Variants in RBFOX1 observed in about 807,000 individuals in gnomAD.
RBFOX1 encodes RNA binding protein fox-1 homolog 1.
Under a neutral mutation model 57.7 loss-of-function variants are expected in RBFOX1, and 8 were observed. The observed-to-expected ratio is 0.14, with a 90% CI of 0.08 to 0.25. The LOEUF (loss-of-function observed/expected upper bound fraction) is 0.25. RBFOX1 is among the 10% of genes least tolerant of loss of function. The pLI is 1.00. For synonymous variants in RBFOX1, 326 were observed against 222.4 expected (o/e 1.47, Z -4.15); for missense variants, 611 against 548.5 (o/e 1.11, Z -1.14).
chr16:7,448,670 C>G (rs2098827065), intron 4 of RBFOX1, among the ~76,000 whole-genome samples: 1 of 152,176 alleles, frequency 6.6e-6, no homozygotes, highest in African/African-American at 2.4e-5. Context: ...TTCTTTGTTT[C>G]TCTCCTGGCT....
intron 4 of RBFOX1, among the ~76,000 whole-genome samples, chr16:7,227,287 C>CCCA (rs1408028716): frequency 2.0e-5 from 2 of 98,426 alleles, no homozygotes; most frequent in Admixed American, 1.1e-4. Context: ...CACACCCCAC[C>CCCA]CCACCCCCAC....
intron 2 of RBFOX1, among the ~76,000 whole-genome samples, chr16:6,611,815 C>G (rs542317959): frequency 6.6e-6 from 1 of 152,248 alleles, no homozygotes; most frequent in South Asian, 2.1e-4. Flanking sequence ...AGTCCTCCCT[C>G]AGGGCCCTCC....
At chr16:7,630,792 G>A (rs2060824488) in intron 11 of RBFOX1, 109 bp downstream of exon 11, 1 of 1,515,686 alleles carries the variant, frequency 6.6e-7, no homozygotes. Flanking sequence ...CCTCTCTTGT[G>A]GCTCTCTCTG....
At chr16:5,906,295 G>C (rs149440918) in intron 4 of RBFOX1, among the ~76,000 whole-genome samples, 1 of 152,154 alleles carries the variant, frequency 6.6e-6, no homozygotes, top group Non-Finnish European at 1.5e-5. Flanking sequence ...TGGTTTCTTT[G>C]TAAAAAGGGG....
At chr16:6,636,689 T>C (rs2098436412) in intron 2 of RBFOX1, among the ~76,000 whole-genome samples, 1 of 148,330 alleles carries the variant, frequency 6.7e-6, no homozygotes, top group Non-Finnish European at 1.5e-5. Flanking sequence ...AACATTTATA[T>C]TCTATTTGAT....
chr16:6,294,534 G>A (rs180676998), intron 1 of RBFOX1, among the ~76,000 whole-genome samples: 2 of 152,320 alleles, frequency 1.3e-5, no homozygotes, highest in Non-Finnish European at 2.9e-5. Flanking sequence ...CTGTGAAACA[G>A]GTAACACTAA....
At chr16:6,597,129 G>A (rs2097783975) in intron 2 of RBFOX1, among the ~76,000 whole-genome samples, 1 of 152,158 alleles carries the variant, frequency 6.6e-6, no homozygotes, top group Non-Finnish European at 1.5e-5. Flanking sequence ...TACAAAAGGA[G>A]TTGACATCTA....
chr16:5,586,971 C>A (rs189889579), intron 2 of RBFOX1, among the ~76,000 whole-genome samples: 14 of 152,280 alleles, frequency 9.2e-5, no homozygotes, highest in Non-Finnish European at 8.8e-5. Flanking sequence ...ATTGAACCTT[C>A]CTGTGCTGCC....
intron 14 of RBFOX1, among the ~76,000 whole-genome samples, chr16:7,686,452 A>G (rs2076086827): frequency 6.6e-6 from 1 of 152,074 alleles, no homozygotes; most frequent in Non-Finnish European, 1.5e-5. Flanking sequence ...AGAAATGCCC[A>G]ATCTCCCAGT....
intron 3 of RBFOX1, among the ~76,000 whole-genome samples, chr16:6,820,167 A>C (rs2091016340): frequency 6.6e-6 from 1 of 152,138 alleles, no homozygotes; most frequent in Non-Finnish European, 1.5e-5. Context: ...TATAAGACAT[A>C]CCTTTGCTTC....
At chr16:6,824,826 A>G (rs2091889951) in intron 3 of RBFOX1, among the ~76,000 whole-genome samples, 1 of 152,002 alleles carries the variant, frequency 6.6e-6, no homozygotes, top group South Asian at 2.1e-4. Flanking sequence ...GTCAAAGATA[A>G]TACATGTGGA....
intron 2 of RBFOX1, among the ~76,000 whole-genome samples, chr16:5,550,677 C>G (rs535329340): frequency 7.4e-4 from 113 of 152,232 alleles, no homozygotes; most frequent in African/African-American, 2.6e-3. Context: ...GCAAATAAAG[C>G]AGACAAAGCT....
chr16:7,393,259 A>G (rs1048721353), intron 4 of RBFOX1, among the ~76,000 whole-genome samples: 3 of 152,152 alleles, frequency 2.0e-5, no homozygotes, highest in African/African-American at 7.2e-5. Flanking sequence ...GCTATGGCCC[A>G]TGCAGGATCT....
chr16:7,283,545 C>A (rs2095590616), intron 4 of RBFOX1, among the ~76,000 whole-genome samples: 1 of 152,008 alleles, frequency 6.6e-6, no homozygotes, highest in African/African-American at 2.4e-5. Flanking sequence ...CTGTGTTGGC[C>A]AGGGAAACAC....
intron 4 of RBFOX1, among the ~76,000 whole-genome samples, chr16:7,185,882 C>T (rs976951340): frequency 6.6e-6 from 1 of 152,050 alleles, no homozygotes; most frequent in Admixed American, 6.6e-5. Flanking sequence ...AACAACAAAC[C>T]CAACCCATTC....
chr16:6,296,292 A>C (rs911968738), intron 1 of RBFOX1, among the ~76,000 whole-genome samples: 3 of 152,234 alleles, frequency 2.0e-5, no homozygotes, highest in African/African-American at 7.2e-5. Context: ...CCGGAAGCAG[A>C]ATCCTGGCTT....
At position 7,709,461 on chromosome 16, in the gene RBFOX1, T is replaced by C. The variant is rs1289009295; in HGVS notation, c.1071+330T>C. ...TCAATGCAGAACTTTTTTTTTTCTT[T>C]TTTTTTCCCTCCCTTGCTGCTCATT... On this transcript the variant is annotated intron_variant, in intron 15 of 15. Coordinates refer to ENST00000550418, the MANE Select transcript of RBFOX1 (RefSeq NM_018723.4). 2.1e-6 allele frequency: 3 copies of C among 1,434,946 alleles called. No individual in the cohort carries two copies. In the South Asian group the frequency reaches 4.1e-5, roughly 20 times the overall value. The allele number at this position is 1,434,946 out of a possible 1,614,324, so 88.9% of individuals were successfully genotyped here.
At chr16:6,078,848 T>G (rs995653956) in intron 1 of RBFOX1, among the ~76,000 whole-genome samples, 1 of 152,240 alleles carries the variant, frequency 6.6e-6, no homozygotes, top group African/African-American at 2.4e-5. Context: ...AATTAGTAGA[T>G]TTTCATGGTT....
chr16:5,414,704 G>A (rs1234377000), intron 1 of RBFOX1, among the ~76,000 whole-genome samples: 2 of 152,092 alleles, frequency 1.3e-5, no homozygotes, highest in Non-Finnish European at 2.9e-5. Context: ...AATTCAAAAT[G>A]ACCTCTGGCC....
Sources: allele counts gnomAD v4.1 joint callset (sites outside exome capture counted in the v4.1 genomes callset), GRCh38; gene constraint gnomAD v4.1.1; transcripts MANE v1.5; gene names NCBI Gene and HGNC (gene_info 2026-07-23, HGNC 2026-07-21).